Variants in GPC6 observed in about 807,000 individuals in gnomAD.
The protein encoded by GPC6 is glypican-6.
Under a neutral mutation model 55.2 loss-of-function variants are expected in GPC6, and 14 were observed. That is an observed-to-expected ratio of 0.25 (90% CI 0.17 to 0.40). The LOEUF is 0.40. Ranked by LOEUF, GPC6 falls within the 10% of genes least tolerant of loss-of-function variation. The pLI is 1.00. For synonymous variants in GPC6, 278 were observed against 259.6 expected (o/e 1.07, Z -0.68); for missense variants, 641 against 708.5 (o/e 0.90, Z 1.08).
intron 2 of GPC6, among the ~76,000 whole-genome samples, chr13:93,560,345 CAA>C (rs35073008): frequency 0.37 from 47,362 of 129,446 alleles, 9,232 homozygotes; most frequent in African/African-American, 0.52. Flanking sequence ...GTATCTCTAC[CAA>C]AAAAAAAAAA....
At chr13:93,342,777 G>A (rs1234954752) in intron 1 of GPC6, among the ~76,000 whole-genome samples, 2 of 152,166 alleles carry the variant, frequency 1.3e-5, no homozygotes, top group African/African-American at 4.8e-5. Context: ...CAGGAAGAGA[G>A]GAAATAAGGA....
chr13:93,389,678 T>C (rs1470507637), intron 1 of GPC6, among the ~76,000 whole-genome samples: 2 of 152,026 alleles, frequency 1.3e-5, no homozygotes, highest in Middle Eastern at 3.2e-3. Context: ...TTTATATATG[T>C]ATACACAAAC....
rs147569279 is a variant in GPC6 at position 93,716,100 on chromosome 13, C to T, written c.320-114054C>T. Among the ~76,000 whole-genome samples, 128 of 151,552 alleles carry T rather than the reference C, an allele frequency of 8.4e-4. 1 individual carries two copies. The highest frequency in any genetic ancestry group is 2.8e-3 in the African/African-American group (117 of 41,440). On this transcript the variant is annotated intron_variant, in intron 2 of 8. Coordinates refer to ENST00000377047, the MANE Select transcript of GPC6 (RefSeq NM_005708.5). ...ACTCATGTGTTTGTGGTGGTGCTGG[C>T]GTAAACAAACTTACTCTGCTGCCAG... is the stretch of plus-strand genomic sequence containing the variant.
At chr13:93,921,350 C>T (rs1044513214) in intron 3 of GPC6, among the ~76,000 whole-genome samples, 10 of 152,160 alleles carry the variant, frequency 6.6e-5, no homozygotes, top group Admixed American at 3.3e-4. Flanking sequence ...TGTCTGCTGA[C>T]GGCTTAAGTG....
intron 2 of GPC6, among the ~76,000 whole-genome samples, chr13:93,557,610 T>G (rs549052138): frequency 3.9e-5 from 6 of 152,278 alleles, no homozygotes; most frequent in African/African-American, 1.4e-4. Flanking sequence ...TGAAAACCTT[T>G]TACTAAGAGA....
chr13:94,091,596 C>A (rs1885480981), intron 4 of GPC6, among the ~76,000 whole-genome samples: 1 of 152,082 alleles, frequency 6.6e-6, no homozygotes, highest in Non-Finnish European at 1.5e-5. Context: ...TCAGATGTAG[C>A]CAGCCCAAGT....
chr13:94,038,475 G>A (rs1883416684), intron 4 of GPC6, among the ~76,000 whole-genome samples: 2 of 151,840 alleles, frequency 1.3e-5, no homozygotes, highest in Non-Finnish European at 2.9e-5. Flanking sequence ...TTCAAAGTGG[G>A]CTTTGGTTAA....
chr13:94,077,791 G>C (rs150247996), intron 4 of GPC6, among the ~76,000 whole-genome samples: 173 of 151,682 alleles, frequency 1.1e-3, no homozygotes, highest in Non-Finnish European at 2.2e-3. Flanking sequence ...TGTGTATATT[G>C]GACCATCCTT....
At chr13:93,575,059 C>G (rs1180294408) in intron 2 of GPC6, among the ~76,000 whole-genome samples, 1 of 151,888 alleles carries the variant, frequency 6.6e-6, no homozygotes, top group Admixed American at 6.6e-5. Context: ...TTTGGGAGGC[C>G]GAGGCGGGTG....
At chr13:93,971,884 A>G (rs979090000) in intron 3 of GPC6, among the ~76,000 whole-genome samples, 2 of 152,194 alleles carry the variant, frequency 1.3e-5, no homozygotes, top group Admixed American at 1.3e-4. Flanking sequence ...CAAATTTCTT[A>G]TCTTTGATTT....
At chr13:94,093,792 C>A (rs1233523432) in intron 4 of GPC6, among the ~76,000 whole-genome samples, 1 of 151,986 alleles carries the variant, frequency 6.6e-6, no homozygotes, top group Non-Finnish European at 1.5e-5. Flanking sequence ...TGTTTGATGA[C>A]CTGATGGCAG....
chr13:94,394,886 G>A (rs1178537074), intron 7 of GPC6, among the ~76,000 whole-genome samples: 3 of 152,152 alleles, frequency 2.0e-5, no homozygotes, highest in Non-Finnish European at 2.9e-5. Flanking sequence ...GTTCCTGGAT[G>A]TTCAGACTCC....
At chr13:94,106,329 A>T (rs1886052631) in intron 4 of GPC6, among the ~76,000 whole-genome samples, 1 of 152,232 alleles carries the variant, frequency 6.6e-6, no homozygotes, top group African/African-American at 2.4e-5. Context: ...ATTATTTGGT[A>T]ATTAGTGGTG....
At chr13:93,991,692 T>C (rs532941473) in intron 3 of GPC6, among the ~76,000 whole-genome samples, 1 of 152,244 alleles carries the variant, frequency 6.6e-6, no homozygotes, top group East Asian at 1.9e-4. Flanking sequence ...AGAGCACTTT[T>C]CAACACACAG....
chr13:93,908,524 C>T (rs532299293), intron 3 of GPC6, among the ~76,000 whole-genome samples: 61 of 152,286 alleles, frequency 4.0e-4, no homozygotes, highest in Non-Finnish European at 7.5e-4. Flanking sequence ...GTAGCATTTA[C>T]ACTTGTTTGT....
At chr13:93,848,327 C>A (rs1214359764) in intron 3 of GPC6, among the ~76,000 whole-genome samples, 2 of 152,052 alleles carry the variant, frequency 1.3e-5, no homozygotes, top group Non-Finnish European at 2.9e-5. Context: ...GCAACACAAT[C>A]ATTTTGTAAC....
At chr13:94,253,782 T>C (rs754407730) in intron 4 of GPC6, among the ~76,000 whole-genome samples, 2 of 152,184 alleles carry the variant, frequency 1.3e-5, no homozygotes, top group Admixed American at 6.6e-5. Context: ...GATATCTTAC[T>C]CTTTAAGTGC....
chr13:94,160,185 A>G (rs143213675), intron 4 of GPC6, among the ~76,000 whole-genome samples: 2 of 152,284 alleles, frequency 1.3e-5, no homozygotes, highest in East Asian at 1.9e-4. Flanking sequence ...CTATTTTATT[A>G]TTAGTTATTG....
rs76211925 is a variant in GPC6 at position 93,378,306 on chromosome 13, T to C, written c.160+150690T>C. On this transcript the variant is annotated intron_variant, in intron 1 of 8. Transcript: ENST00000377047. The stretch of plus-strand genomic sequence containing the variant: ...GGCACTAGCTCCAAACTGACATATT[T>C]AATTCATCCTCTGGCTCCATTGTTT... Among the ~76,000 whole-genome samples, 1,108 of 152,326 alleles carry C rather than the reference T, an allele frequency of 7.3e-3. 15 individuals carry two copies. Among genetic ancestry groups the C allele is most frequent in the African/African-American group, 0.025 (1,056 of 41,578 alleles).
Sources: gnomAD v4.1 joint callset for allele counts (sites outside exome capture counted in the v4.1 genomes callset) on GRCh38, gnomAD v4.1.1 for gene constraint, MANE v1.5 for transcripts, NCBI Gene and HGNC (gene_info 2026-07-23, HGNC 2026-07-21) for gene names.